The following IL18BP variants were observed in gnomAD, a reference collection of about 807,000 sequenced individuals.
The protein encoded by IL18BP is interleukin-18-binding protein.
In IL18BP, 23 loss-of-function variants were observed where a neutral mutation model predicts 19.9. The ratio of observed to expected loss-of-function variants is 1.15; its 90% CI spans 0.83 to 1.64. The LOEUF (loss-of-function observed/expected upper bound fraction) is 1.64, where lower values mean the gene tolerates loss of function less well. IL18BP is among the 40% of genes most tolerant of loss of function. The pLI is 0.00. For missense variants in IL18BP, 239 were observed against 240.7 expected, an observed-to-expected ratio of 0.99 and a Z score of 0.05; for synonymous variants, 107 against 101.0, an observed-to-expected ratio of 1.06 and a Z score of -0.35.
chr11:72,005,457 C>G (rs2134419705), downstream of IL18BP: 2 of 1,311,452 alleles, frequency 1.5e-6, no homozygotes, highest in East Asian at 4.8e-5. Flanking sequence ...TTTGCTGCCA[C>G]CTACCCCATA....
downstream of IL18BP, chr11:72,005,954 A>T: frequency 8.1e-7 from 1 of 1,232,046 alleles, no homozygotes; most frequent in South Asian, 1.4e-5. Context: ...GGATTTTTAA[A>T]AAGCTTTCCT....
In IL18BP at chr11:72,001,261, A is replaced by C; in HGVS notation, c.296A>C (p.Tyr99Ser). ...CGCTTCCCCAACTTCAGCATCCTCT[A>C]CTGGCTGGGCAATGGTTCCTTCATT... The part of the protein sequence containing the change: ...CSRFPNFSIL[Y>S]WLGNGSFIEH... The change falls in exon 4 of 6, where the codon TAC (tyrosine) becomes TCC (serine). Residue 99 changes from tyrosine (Y) to serine (S), a missense_variant. By Grantham distance (144) the Tyr-to-Ser change is moderately radical. Coordinates refer to ENST00000393703, the MANE Select transcript of IL18BP (RefSeq NM_001039660.2). 6.2e-7 allele frequency: 1 copy of C among 1,614,154 alleles called. No homozygotes were observed. Among genetic ancestry groups the C allele is most frequent in the Non-Finnish European group, 8.5e-7 (1 of 1,180,028 alleles).
At chr11:71,999,769 G>A in intron 1 of IL18BP, 158 bp from the exon 2 acceptor site, 2 of 584,472 alleles carry the variant, frequency 3.4e-6, no homozygotes, top group South Asian at 4.1e-5. Flanking sequence ...GAGAGCTGGG[G>A]TGGGGAAGGA....
downstream of IL18BP, chr11:72,004,113 C>T (rs1955492207): frequency 6.2e-7 from 1 of 1,613,068 alleles, no homozygotes; most frequent in Non-Finnish European, 8.5e-7. Flanking sequence ...CAAGGAAGGG[C>T]TGTCAGACCG....
chr11:72,007,154 T>C (rs1955779004), downstream of IL18BP: 3 of 1,599,382 alleles, frequency 1.9e-6, no homozygotes, highest in African/African-American at 1.3e-5. Context: ...GAAGTGGGAA[T>C]TGCTGCCCTG....
chr11:72,006,086 G>A (rs751406922), downstream of IL18BP: 13 of 1,613,938 alleles, frequency 8.1e-6, no homozygotes, highest in Middle Eastern at 1.6e-4. Context: ...GCAGAACTGC[G>A]AGTGGTGGGG....
Position 72,001,782 on chromosome 11 carries a change from A to T in IL18BP, c.508-2A>T, listed in dbSNP as rs200352241. The T allele has an allele frequency of 1.1e-4, 179 of 1,613,876 alleles. No individual in the cohort carries two copies. The highest frequency in any genetic ancestry group is 1.4e-4 in the Non-Finnish European group (164 of 1,179,952). ...GATCCTTGTCTGCCTTCACTTCCCT[A>T]GGCTGGGCTGAGGGCAACCTTGCCC... On this transcript the variant is annotated splice_acceptor_variant, in intron 5 of 5. Transcript: ENST00000393703. LOFTEE classifies it high-confidence loss of function.
downstream of IL18BP, chr11:72,007,691 TG>T (rs1206122169): frequency 1.9e-6 from 1 of 535,314 alleles, no homozygotes; most frequent in Non-Finnish European, 3.3e-6. Flanking sequence ...CAGATGCCCA[TG>T]GCTGCTTCAC....
chr11:72,000,182 T>C (rs1955136413), intron 2 of IL18BP, among the ~76,000 whole-genome samples, 169 bp from the exon 3 acceptor site: 1 of 152,166 alleles, frequency 6.6e-6, no homozygotes, highest in African/African-American at 2.4e-5. Flanking sequence ...AGTCTAAAGC[T>C]TCTCTGTACT....
At chr11:72,003,612 C>T, downstream of IL18BP, 2 of 1,582,188 alleles carry the variant, frequency 1.3e-6, no homozygotes, top group Non-Finnish European at 1.7e-6. Flanking sequence ...GGGAAGATCT[C>T]TTCCTGCTCC....
chr11:72,007,636 GCTC>G (rs1353538767), downstream of IL18BP: 14 of 652,814 alleles, frequency 2.1e-5, no homozygotes, highest in East Asian at 1.1e-4. Flanking sequence ...TCTCCTAATA[GCTC>G]CTCATAGTGG....
In IL18BP at chr11:72,002,402, G is replaced by GTT. The variant is rs5792567; in HGVS notation, c.*550_*551dup. The GTT allele has an allele frequency of 0.016, 2,368 of 152,724 alleles. 17 individuals are homozygous for GTT. The highest frequency in any genetic ancestry group is 0.017 in the Middle Eastern group (5 of 286). 9.5% of individuals were successfully genotyped at this position (152,724 alleles called of 1,614,324 possible). On this transcript the variant is annotated 3_prime_UTR_variant, in exon 6 of 6. Coordinates refer to ENST00000393703, the MANE Select transcript of IL18BP (RefSeq NM_001039660.2). ...CAGACTTCCTATCTTCGTGCTGTATGTTTTTTTTTTCCCCCTTCACTCTAA... is the reference window on the plus strand; with the variant it reads ...CAGACTTCCTATCTTCGTGCTGTATGTTTTTTTTTTTTCCCCCTTCACTCTAA...
At chr11:72,004,035 A>G (rs1399976932), downstream of IL18BP, 29 of 1,613,604 alleles carry the variant, frequency 1.8e-5, no homozygotes, top group Non-Finnish European at 2.3e-5. Flanking sequence ...CCGCCGCAGA[A>G]GGCTGTTCCC....
At chr11:72,001,031 G>A (rs559683454) in intron 3 of IL18BP, among the ~76,000 whole-genome samples, 170 bp from the exon 4 acceptor site, 15 of 152,318 alleles carry the variant, frequency 9.8e-5, no homozygotes, top group South Asian at 8.3e-4. Flanking sequence ...AGGGCCTCTC[G>A]GAGACAACTG....
chr11:72,006,204 A>G, downstream of IL18BP: 4 of 1,614,156 alleles, frequency 2.5e-6, no homozygotes, highest in Non-Finnish European at 2.5e-6. Context: ...GGGAAGCAGG[A>G]GCAGACCGCG....
Position 71,999,947 on chromosome 11 carries a change from A to G in IL18BP, c.-38A>G, listed in dbSNP as rs916192712. 4.3e-6 allele frequency: 7 copies of G among 1,612,118 alleles called. No individual in the cohort carries two copies. The highest frequency in any genetic ancestry group is 5.1e-6 in the Non-Finnish European group (6 of 1,178,724). On this transcript the variant is annotated 5_prime_UTR_variant, in exon 2 of 6. Coordinates refer to ENST00000393703, the MANE Select transcript of IL18BP (RefSeq NM_001039660.2). ...ACCAGAGAAGAGGACGTTGTCACAGATAAAGAGCCAGGCTCACCAGCTCCT... is the reference window on the plus strand; with the variant it reads ...ACCAGAGAAGAGGACGTTGTCACAGGTAAAGAGCCAGGCTCACCAGCTCCT...
downstream of IL18BP, chr11:72,006,241 T>C (rs1955684291): frequency 6.2e-7 from 1 of 1,614,052 alleles, no homozygotes; most frequent in Admixed American, 1.7e-5. Context: ...GTTGGCGCTG[T>C]CTGGCTCTTC....
At chr11:72,007,451 C>T (rs780704935), downstream of IL18BP, 2 of 1,612,444 alleles carry the variant, frequency 1.2e-6, no homozygotes, top group African/African-American at 2.7e-5. Flanking sequence ...GAAAGGAAAC[C>T]TGCTGAGGTA....
chr11:72,003,930 G>C, downstream of IL18BP: 1 of 1,613,232 alleles, frequency 6.2e-7, no homozygotes, highest in Non-Finnish European at 8.5e-7. Flanking sequence ...GGCAGCAGTG[G>C]CGGCGCTGGC....
Sources: allele counts gnomAD v4.1 joint callset (sites outside exome capture counted in the v4.1 genomes callset), GRCh38; gene constraint gnomAD v4.1.1; transcripts MANE v1.5; gene names NCBI Gene and HGNC (gene_info 2026-07-23, HGNC 2026-07-21).